The following ANAPC16 variants were observed in gnomAD, a reference collection of about 807,000 sequenced individuals.
ANAPC16 encodes the protein anaphase promoting complex subunit 16, also known as anaphase-promoting complex subunit 16.
ANAPC16 carries 6 observed loss-of-function variants against 13.1 expected under a neutral mutation model. The observed-to-expected ratio is 0.46, with a 90% CI of 0.25 to 0.90. ANAPC16 has a LOEUF of 0.90. ANAPC16 is among the 40% of genes least tolerant of loss of function. The pLI is 0.18. For missense variants in ANAPC16, 113 were observed against 131.1 expected (o/e 0.86, Z 0.67); for synonymous variants, 55 against 51.3 (o/e 1.07, Z -0.31).
chr10:72,222,232 A>C (rs1314917394), intron 1 of ANAPC16, among the ~76,000 whole-genome samples: 5 of 149,410 alleles, frequency 3.3e-5, no homozygotes, highest in African/African-American at 1.2e-4. Context: ...ATCCTGGCCA[A>C]CATGGCGAAA....
At chr10:72,229,258 A>G (rs1235917888) in intron 2 of ANAPC16, among the ~76,000 whole-genome samples, 1 of 139,076 alleles carries the variant, frequency 7.2e-6, no homozygotes, top group African/African-American at 2.7e-5. Flanking sequence ...CACTTTGAAG[A>G]TGATATTGGA....
chr10:72,232,282 C>T (rs7913447), intron 3 of ANAPC16, among the ~76,000 whole-genome samples: 1 of 149,444 alleles, frequency 6.7e-6, no homozygotes, highest in South Asian at 2.1e-4. Flanking sequence ...CAGTGGCTCA[C>T]GTCTGTAATC....
At chr10:72,223,443 T>C (rs1026138992) in intron 1 of ANAPC16, 1 of 152,590 alleles carries the variant, frequency 6.6e-6, no homozygotes, top group Non-Finnish European at 1.5e-5. Flanking sequence ...AACACAGTGT[T>C]ATTCTGGAAT....
intron 1 of ANAPC16, among the ~76,000 whole-genome samples, chr10:72,218,662 C>T (rs1859771438): frequency 6.6e-6 from 1 of 152,136 alleles, no homozygotes; most frequent in African/African-American, 2.4e-5. Flanking sequence ...ATGTTTGGTT[C>T]TGGTGATCAG....
chr10:72,218,629 T>A (rs961931519), intron 1 of ANAPC16, among the ~76,000 whole-genome samples: 3 of 152,202 alleles, frequency 2.0e-5, no homozygotes. Context: ...GAACAACTAC[T>A]TCCTTACTAT....
At chr10:72,229,826 G>GA (rs1306904707) in intron 2 of ANAPC16, among the ~76,000 whole-genome samples, 1 of 152,158 alleles carries the variant, frequency 6.6e-6, no homozygotes, top group Non-Finnish European at 1.5e-5. Flanking sequence ...GGTTCAGTTG[G>GA]AAAATCAAGG....
chr10:72,232,906 G>A, intron 3 of ANAPC16, 95 bp from the exon 4 acceptor site: 1 of 1,033,194 alleles, frequency 9.7e-7, no homozygotes. Context: ...ACCCGGCCTA[G>A]AAATTATTTT....
chr10:72,226,778 A>T (rs1261324261), intron 2 of ANAPC16, among the ~76,000 whole-genome samples: 6 of 152,172 alleles, frequency 3.9e-5, no homozygotes, highest in Admixed American at 2.6e-4. Context: ...CATTTGTGAC[A>T]GGAAACCACG....
At chr10:72,225,600 AT>A (rs1048409104) in intron 2 of ANAPC16, among the ~76,000 whole-genome samples, 59 of 152,158 alleles carry the variant, frequency 3.9e-4, no homozygotes, top group African/African-American at 1.4e-3. Context: ...GTAATAATAA[AT>A]TTTTAAAAAG....
chr10:72,221,200 G>A (rs575724604), intron 1 of ANAPC16, among the ~76,000 whole-genome samples: 5 of 152,180 alleles, frequency 3.3e-5, no homozygotes, highest in African/African-American at 1.2e-4. Flanking sequence ...ACAGGCGTTA[G>A]CCACCAGCCT....
intron 1 of ANAPC16, chr10:72,217,127 G>A (rs374415377): frequency 9.0e-6 from 4 of 444,350 alleles, no homozygotes; most frequent in South Asian, 4.7e-5. Flanking sequence ...GGCATTGAGG[G>A]TAGAAAGACT....
intron 1 of ANAPC16, chr10:72,223,204 A>G (rs1465720645): frequency 6.9e-6 from 1 of 144,910 alleles, no homozygotes; most frequent in Non-Finnish European, 1.5e-5. Context: ...CTGGGATGAG[A>G]GGCGTCCACC....
chr10:72,230,477 T>C (rs1222885592), intron 3 of ANAPC16, 37 bp downstream of exon 3: 1 of 1,576,970 alleles, frequency 6.3e-7, no homozygotes, highest in South Asian at 1.1e-5. Flanking sequence ...ACTGTGAGAA[T>C]AAATTTGCTA....
intron 2 of ANAPC16, among the ~76,000 whole-genome samples, chr10:72,225,645 T>C (rs912064773): frequency 1.3e-5 from 2 of 152,118 alleles, no homozygotes; most frequent in Non-Finnish European, 2.9e-5. Context: ...CTCACGCCTG[T>C]AATCCCAGCA....
intron 2 of ANAPC16, among the ~76,000 whole-genome samples, chr10:72,228,054 A>G (rs988717937): frequency 2.6e-4 from 40 of 151,998 alleles, no homozygotes; most frequent in African/African-American, 9.7e-4. Context: ...AGGATATGAA[A>G]ATAGAGCAGG....
At chr10:72,224,707 A>T (rs1350540097) in intron 2 of ANAPC16, among the ~76,000 whole-genome samples, 2 of 151,656 alleles carry the variant, frequency 1.3e-5, no homozygotes, top group Admixed American at 6.6e-5. Context: ...TCTACCTCCC[A>T]TGGTAGTAGG....
intron 1 of ANAPC16, among the ~76,000 whole-genome samples, chr10:72,218,165 A>AATAT (rs61038115): frequency 1.6e-4 from 5 of 31,524 alleles, no homozygotes; most frequent in Admixed American, 1.1e-3. Context: ...AAAAAAAAAA[A>AATAT]ATATATATAT....
In ANAPC16 at chr10:72,222,428, A is replaced by C. The variant is rs543242786; in HGVS notation, c.-27-1460A>C. ...CGAGACTCCGTAAATAAATACATAC[A>C]TACATACCAGACTGAGCAACATAGC... On this transcript the variant is annotated intron_variant, in intron 1 of 3. Coordinates refer to ENST00000299381, the MANE Select transcript of ANAPC16 (RefSeq NM_173473.4). Among the ~76,000 whole-genome samples the C allele has an allele frequency of 4.8e-3, 267 of 55,688 alleles. 1 individual carries two copies. Among genetic ancestry groups the C allele is most frequent in the African/African-American group, 0.011 (258 of 22,752 alleles). The allele number at this position is 55,688 out of a possible 152,430, so 36.5% of individuals were successfully genotyped here.
rs891235784 is a variant in ANAPC16, at chr10:72,230,566, C to G, written c.217+126C>G. ...TGGACTTCCTAAATTAAAGAACATT[C>G]TAGGTCTTAATCTAGTCATAATGTC... On this transcript the variant is annotated intron_variant, in intron 3 of 3. Transcript: ENST00000299381. 6.4e-6 allele frequency: 5 copies of G among 781,746 alleles called. No individual in the cohort carries two copies. The African/African-American group carries it at 8.6e-5, about 14-fold the overall frequency. 48.4% of individuals were successfully genotyped at this position (781,746 alleles called of 1,614,324 possible).
Sources: allele counts gnomAD v4.1 joint callset (sites outside exome capture counted in the v4.1 genomes callset), GRCh38; gene constraint gnomAD v4.1.1; transcripts MANE v1.5; gene names NCBI Gene and HGNC (gene_info 2026-07-23, HGNC 2026-07-21).